The following RAB7A variants were observed in gnomAD, a reference collection of about 807,000 sequenced individuals.
RAB7A encodes the protein ras-related protein Rab-7a.
In RAB7A, 2 loss-of-function variants were observed where a neutral mutation model predicts 24.5. The ratio of observed to expected loss-of-function variants is 0.08; its 90% CI spans 0.03 to 0.26. The LOEUF (loss-of-function observed/expected upper bound fraction) is 0.26, where lower values mean the gene tolerates loss of function less well. Among genes scored for constraint, RAB7A ranks in the 10% least tolerant of loss-of-function variants. The pLI is 1.00. For missense variants in RAB7A, 118 were observed against 255.7 expected (o/e 0.46, Z 3.67); for synonymous variants, 100 against 95.9 (o/e 1.04, Z -0.25).
At chr3:128,763,858 A>T (rs1211041107) in intron 1 of RAB7A, among the ~76,000 whole-genome samples, 3 of 96,144 alleles carry the variant, frequency 3.1e-5, no homozygotes, top group African/African-American at 5.4e-5. Flanking sequence ...CACCTGTTAG[A>T]TTCCCGCCCC....
chr3:128,814,124 TG>T lies in RAB7A; in HGVS notation c.*703del, dbSNP rs1933987300. ...ATTCTTGGATTATGTGTTTAAGTCCTGTAATGCAGGCCTGTAAGGTGGAGGG... is the reference window on the plus strand; with the variant it reads ...ATTCTTGGATTATGTGTTTAAGTCCTTAATGCAGGCCTGTAAGGTGGAGGG... On this transcript the variant is annotated 3_prime_UTR_variant, in exon 6 of 6. Transcript: ENST00000265062. 1 of 156,098 alleles carries T rather than the reference TG, an allele frequency of 6.4e-6. No individual in the cohort carries two copies. Among genetic ancestry groups the T allele is most frequent in the Admixed American group, 6.2e-5 (1 of 16,100 alleles). 9.7% of individuals were successfully genotyped at this position (156,098 alleles called of 1,614,324 possible). A position where few individuals can be genotyped will look rare whatever the true frequency, so the allele number is the denominator to read the frequency against.
chr3:128,769,019 T>C (rs2070860251), intron 1 of RAB7A, among the ~76,000 whole-genome samples: 1 of 131,770 alleles, frequency 7.6e-6, no homozygotes, highest in African/African-American at 2.9e-5. Flanking sequence ...CTCACTCTCA[T>C]GGAGCTGGGA....
chr3:128,802,549 C>T (rs1023939769), intron 3 of RAB7A, among the ~76,000 whole-genome samples: 7 of 152,108 alleles, frequency 4.6e-5, no homozygotes, highest in South Asian at 2.1e-4. Context: ...CTCACTCTGT[C>T]GCCCAGGCTG....
chr3:128,803,628 T>A (rs1933742961), intron 3 of RAB7A, among the ~76,000 whole-genome samples: 1 of 152,166 alleles, frequency 6.6e-6, no homozygotes, highest in African/African-American at 2.4e-5. Flanking sequence ...CAGCCTTGCA[T>A]GGGGAGTGAA....
At chr3:128,767,145 T>C (rs775154894) in intron 1 of RAB7A, among the ~76,000 whole-genome samples, 31 of 152,150 alleles carry the variant, frequency 2.0e-4, no homozygotes, top group Non-Finnish European at 2.6e-4. Flanking sequence ...AAAATCCGAG[T>C]GGCTCAGCCT....
intron 3 of RAB7A, among the ~76,000 whole-genome samples, chr3:128,804,952 G>A (rs530146393): frequency 1.3e-5 from 2 of 152,322 alleles, no homozygotes; most frequent in Middle Eastern, 6.8e-3. Context: ...TTGCCAGAGT[G>A]CCCTAGTGCG....
intron 1 of RAB7A, among the ~76,000 whole-genome samples, chr3:128,792,310 G>A (rs145596788): frequency 1.3e-5 from 2 of 152,274 alleles, no homozygotes; most frequent in African/African-American, 4.8e-5. Flanking sequence ...AACAAAGCAA[G>A]TTATGCAAAT....
At chr3:128,739,667 A>G (rs1398372382) in intron 1 of RAB7A, among the ~76,000 whole-genome samples, 1 of 152,222 alleles carries the variant, frequency 6.6e-6, no homozygotes, top group Non-Finnish European at 1.5e-5. Context: ...TTAACCATAT[A>G]GTCAGCTTTT....
intron 3 of RAB7A, among the ~76,000 whole-genome samples, chr3:128,805,269 G>C (rs1277021098): frequency 6.6e-6 from 1 of 152,174 alleles, no homozygotes; most frequent in African/African-American, 2.4e-5. Context: ...TACATGTGTG[G>C]ACTTTGTTTA....
At chr3:128,796,630 C>G (rs2107611572) in intron 2 of RAB7A, among the ~76,000 whole-genome samples, 1 of 152,216 alleles carries the variant, frequency 6.6e-6, no homozygotes, top group African/African-American at 2.4e-5. Context: ...GTTTTTCTGT[C>G]TTGACTGGCT....
At chr3:128,805,422 C>T (rs941084848) in intron 3 of RAB7A, among the ~76,000 whole-genome samples, 1 of 152,066 alleles carries the variant, frequency 6.6e-6, no homozygotes, top group Non-Finnish European at 1.5e-5. Flanking sequence ...GTGCCTGTTA[C>T]GGATCTAGGG....
At position 128,814,749 on chromosome 3, in the gene RAB7A, T is replaced by C. The variant is rs1395399810; in HGVS notation, c.*1327T>C. The C allele has an allele frequency of 1.3e-5, 2 of 152,674 alleles. No individual in the cohort carries two copies. The highest frequency in any genetic ancestry group is 4.8e-5 in the African/African-American group (2 of 41,456). The allele number at this position is 152,674 out of a possible 1,614,324, so 9.5% of individuals were successfully genotyped here. A position where few individuals can be genotyped will look rare whatever the true frequency, so the allele number is the denominator to read the frequency against. On this transcript the variant is annotated 3_prime_UTR_variant, in exon 6 of 6. Coordinates refer to ENST00000265062, the MANE Select transcript of RAB7A (RefSeq NM_004637.6). ...CATTCTAGGGTGTGGGCTGAGTTCT[T>C]CTGTAAAGAGATGAACGCAATGCCA...
intron 1 of RAB7A, among the ~76,000 whole-genome samples, chr3:128,758,049 A>G (rs1385952873): frequency 2.0e-5 from 3 of 151,408 alleles, no homozygotes; most frequent in East Asian, 1.9e-4. Context: ...TCTAACTTCA[A>G]AGTTCTGGGC....
chr3:128,736,060 C>T (rs563129217), intron 1 of RAB7A, among the ~76,000 whole-genome samples: 2 of 152,206 alleles, frequency 1.3e-5, no homozygotes, highest in African/African-American at 2.4e-5. Context: ...AGCAGGAATG[C>T]AGTACTCAGA....
chr3:128,731,189 G>A (rs2070433515), intron 1 of RAB7A, among the ~76,000 whole-genome samples: 1 of 152,174 alleles, frequency 6.6e-6, no homozygotes, highest in South Asian at 2.1e-4. Context: ...GTAATAAAAA[G>A]TTGGTTTCCA....
At chr3:128,784,875 TGATTAATATAGTAA>T (rs1177939689) in intron 1 of RAB7A, among the ~76,000 whole-genome samples, 1 of 152,244 alleles carries the variant, frequency 6.6e-6, no homozygotes, top group Non-Finnish European at 1.5e-5. Flanking sequence ...GGTATATGTT[TGATTAATATAGTAA>T]GATTAATAAC....
intron 5 of RAB7A, among the ~76,000 whole-genome samples, chr3:128,809,030 C>T (rs1286939646): frequency 2.0e-5 from 3 of 152,070 alleles, no homozygotes; most frequent in Non-Finnish European, 4.4e-5. Flanking sequence ...GCCACGCTTA[C>T]CCCCAAATAA....
intron 1 of RAB7A, among the ~76,000 whole-genome samples, chr3:128,731,710 T>TA (rs1239243383): frequency 2.0e-5 from 3 of 152,098 alleles, no homozygotes; most frequent in Admixed American, 6.5e-5. Flanking sequence ...TCACCCCTTG[T>TA]AAAAGTGTAT....
chr3:128,799,409 T>C (rs1429021693), intron 3 of RAB7A, among the ~76,000 whole-genome samples: 1 of 152,218 alleles, frequency 6.6e-6, no homozygotes, highest in Non-Finnish European at 1.5e-5. Flanking sequence ...TGGCAGTTGT[T>C]CTTTCCTATG....
Sources: gnomAD v4.1 joint callset for allele counts (sites outside exome capture counted in the v4.1 genomes callset) on GRCh38, gnomAD v4.1.1 for gene constraint, MANE v1.5 for transcripts, NCBI Gene and HGNC (gene_info 2026-07-23, HGNC 2026-07-21) for gene names.